TECRL: variants seen among roughly 807,000 people sequenced by gnomAD.
TECRL encodes trans-2,3-enoyl-CoA reductase like.
TECRL carries 63 observed loss-of-function variants against 52.8 expected under a neutral mutation model. The ratio of observed to expected loss-of-function variants is 1.19; its 90% CI spans 0.97 to 1.47. TECRL has a LOEUF of 1.47. Ranked by LOEUF, TECRL falls within the 40% of genes most tolerant of loss-of-function variation. The probability of loss-of-function intolerance (pLI) is 0.00; values close to 1 mark genes in which losing one functional copy is unlikely to be tolerated. For missense variants in TECRL, 482 were observed against 429.6 expected, an observed-to-expected ratio of 1.12 and a Z score of -1.08; for synonymous variants, 164 against 141.9, an observed-to-expected ratio of 1.16 and a Z score of -1.10.
At chr4:64,282,983 G>T (rs144776094) in intron 9 of TECRL, among the ~76,000 whole-genome samples, 1 of 151,730 alleles carries the variant, frequency 6.6e-6, no homozygotes, top group African/African-American at 2.4e-5. Flanking sequence ...AGGCATATAA[G>T]GTTTATTCTA....
chr4:64,401,324 C>A (rs1724346717), intron 1 of TECRL, among the ~76,000 whole-genome samples: 1 of 152,116 alleles, frequency 6.6e-6, no homozygotes, highest in Non-Finnish European at 1.5e-5. Flanking sequence ...TTACACCAAC[C>A]CAGGAAGCTT....
intron 1 of TECRL, among the ~76,000 whole-genome samples, chr4:64,385,941 T>A: frequency 6.6e-6 from 1 of 152,180 alleles, no homozygotes; most frequent in East Asian, 1.9e-4. Context: ...TCACCTTTCA[T>A]GATTCAGAGC....
chr4:64,330,238 G>T (rs912444370), intron 2 of TECRL, among the ~76,000 whole-genome samples: 1 of 151,962 alleles, frequency 6.6e-6, no homozygotes, highest in Non-Finnish European at 1.5e-5. Flanking sequence ...AATAAAACCT[G>T]CCAATTTATT....
chr4:64,362,920 C>T (rs575681397), intron 2 of TECRL, among the ~76,000 whole-genome samples: 2 of 151,500 alleles, frequency 1.3e-5, no homozygotes, highest in South Asian at 4.2e-4. Flanking sequence ...AGAAGCAAGA[C>T]CAAACTGTAG....
At chr4:64,283,960 A>C (rs944113617) in intron 9 of TECRL, among the ~76,000 whole-genome samples, 1 of 152,048 alleles carries the variant, frequency 6.6e-6, no homozygotes, top group South Asian at 2.1e-4. Flanking sequence ...TTATATCACA[A>C]TATAAACTAC....
In TECRL at chr4:64,290,467, A is replaced by G. The variant is rs773310994; in HGVS notation, c.775-700T>C. Among the ~76,000 whole-genome samples the G allele has an allele frequency of 8.5e-5, 13 of 152,272 alleles. No individual in the cohort carries two copies. The South Asian group carries it at 1.7e-3, about 19-fold the overall frequency. On this transcript the variant is annotated intron_variant, in intron 8 of 11. Coordinates refer to ENST00000381210, the MANE Select transcript of TECRL (RefSeq NM_001010874.5). ...TAAGCTATGTATTTGACATATAAAT[A>G]CTATGTTACTGATAACAGAACATGT... is the stretch of plus-strand genomic sequence containing the variant.
intron 9 of TECRL, 77 bp downstream of exon 9, chr4:64,289,633 A>AT: frequency 2.6e-6 from 3 of 1,153,338 alleles, no homozygotes; most frequent in Admixed American, 6.9e-5. Context: ...ATTTTTAAAG[A>AT]TTTTTTGAAG....
intron 1 of TECRL, among the ~76,000 whole-genome samples, chr4:64,387,900 A>G (rs1723287376): frequency 6.6e-6 from 1 of 151,822 alleles, no homozygotes; most frequent in Admixed American, 6.6e-5. Flanking sequence ...TTTTATAAAT[A>G]TATATTACAT....
intron 1 of TECRL, among the ~76,000 whole-genome samples, chr4:64,407,602 CAA>C (rs1724817012): frequency 1.3e-5 from 2 of 151,664 alleles, no homozygotes; most frequent in African/African-American, 4.8e-5. Context: ...AGAAAGGACA[CAA>C]TAACCAGTGT....
intron 2 of TECRL, among the ~76,000 whole-genome samples, chr4:64,340,152 C>T (rs1050639344): frequency 6.6e-6 from 1 of 152,204 alleles, no homozygotes; most frequent in Non-Finnish European, 1.5e-5. Context: ...GGACTGCATG[C>T]TCCATGGAGC....
At chr4:64,333,981 G>C (rs1370404944) in intron 2 of TECRL, among the ~76,000 whole-genome samples, 3 of 107,634 alleles carry the variant, frequency 2.8e-5, no homozygotes, top group Non-Finnish European at 5.3e-5. Flanking sequence ...CCGAGATTGC[G>C]CCACTGCAGT....
At chr4:64,291,839 T>A (rs1425855377) in intron 8 of TECRL, among the ~76,000 whole-genome samples, 1 of 151,862 alleles carries the variant, frequency 6.6e-6, no homozygotes, top group Non-Finnish European at 1.5e-5. Flanking sequence ...AGAAAAAAAG[T>A]GGTAAAGAAG....
chr4:64,293,811 C>T (rs1383261603), intron 8 of TECRL, among the ~76,000 whole-genome samples: 1 of 151,710 alleles, frequency 6.6e-6, no homozygotes, highest in Non-Finnish European at 1.5e-5. Context: ...TAGTAAAATC[C>T]TTCTGGTTTC....
intron 2 of TECRL, among the ~76,000 whole-genome samples, chr4:64,331,246 C>T (rs1718618735): frequency 6.6e-6 from 1 of 152,024 alleles, no homozygotes; most frequent in Admixed American, 6.6e-5. Flanking sequence ...TTGTAAACAG[C>T]CACTGGTGCC....
chr4:64,318,487 C>T (rs115045324), intron 4 of TECRL, among the ~76,000 whole-genome samples: 15 of 151,902 alleles, frequency 9.9e-5, no homozygotes, highest in African/African-American at 3.6e-4. Context: ...ACACATGAAA[C>T]CACCAACTCA....
chr4:64,397,378 G>A (rs1193798378), intron 1 of TECRL, among the ~76,000 whole-genome samples: 1 of 151,864 alleles, frequency 6.6e-6, no homozygotes, highest in Non-Finnish European at 1.5e-5. Flanking sequence ...CATTTATTAA[G>A]TTTTGATACA....
chr4:64,334,839 CTATT>C (rs1443134815), intron 2 of TECRL, among the ~76,000 whole-genome samples: 7 of 152,268 alleles, frequency 4.6e-5, no homozygotes, highest in Non-Finnish European at 7.4e-5. Flanking sequence ...TGCAACCAAA[CTATT>C]TATTTATGCT....
intron 2 of TECRL, among the ~76,000 whole-genome samples, chr4:64,346,618 T>C (rs1269070343): frequency 6.6e-6 from 1 of 152,248 alleles, no homozygotes; most frequent in Non-Finnish European, 1.5e-5. Flanking sequence ...CAACAAGTCC[T>C]GAGACTGCAC....
At chr4:64,314,032 C>T (rs916241691) in intron 5 of TECRL, among the ~76,000 whole-genome samples, 2 of 149,140 alleles carry the variant, frequency 1.3e-5, no homozygotes, top group African/African-American at 4.9e-5. Flanking sequence ...CACCTGTAGT[C>T]CCAGCTACTC....
Sources: gnomAD v4.1 joint callset for allele counts (sites outside exome capture counted in the v4.1 genomes callset) on GRCh38, gnomAD v4.1.1 for gene constraint, MANE v1.5 for transcripts, NCBI Gene and HGNC (gene_info 2026-07-23, HGNC 2026-07-21) for gene names.